The following PSD3 variants were observed in gnomAD, a reference collection of about 807,000 sequenced individuals.
PSD3 encodes the protein PH and SEC7 domain-containing protein 3.
PSD3 carries 49 observed loss-of-function variants against 105.5 expected under a neutral mutation model. The observed-to-expected ratio is 0.46, with a 90% CI of 0.37 to 0.59. PSD3 has a LOEUF of 0.59. Ranked by LOEUF, PSD3 falls within the 20% of genes least tolerant of loss-of-function variation. The pLI, the probability that PSD3 is intolerant of heterozygous loss-of-function variation, is 0.00. For missense variants in PSD3, 1,561 were observed against 1,263.8 expected, an observed-to-expected ratio of 1.24 and a Z score of -3.57; for synonymous variants, 557 against 457.8, an observed-to-expected ratio of 1.22 and a Z score of -2.77.
At chr8:18,908,433 T>C (rs1457932110) in intron 2 of PSD3, among the ~76,000 whole-genome samples, 4 of 152,208 alleles carry the variant, frequency 2.6e-5, no homozygotes, top group Non-Finnish European at 4.4e-5. Flanking sequence ...ATTCTCCCCA[T>C]GCTTTCCATG....
intron 9 of PSD3, among the ~76,000 whole-genome samples, chr8:18,711,847 G>A (rs572457789): frequency 1.3e-5 from 2 of 152,188 alleles, no homozygotes; most frequent in East Asian, 3.9e-4. Flanking sequence ...TCACCACATG[G>A]TACTTACTCT....
chr8:18,591,826 C>G (rs1391734106), intron 12 of PSD3, among the ~76,000 whole-genome samples: 1 of 152,098 alleles, frequency 6.6e-6, no homozygotes, highest in Non-Finnish European at 1.5e-5. Context: ...GCTTCCTGCT[C>G]TAAAATCAGA....
chr8:18,686,263 C>T (rs140802317), intron 9 of PSD3, among the ~76,000 whole-genome samples: 2 of 152,310 alleles, frequency 1.3e-5, no homozygotes, highest in African/African-American at 4.8e-5. Context: ...TCACTCTCAA[C>T]ATGACAATTC....
intron 1 of PSD3, among the ~76,000 whole-genome samples, chr8:18,979,069 G>A (rs1188339913): frequency 5.3e-5 from 8 of 151,998 alleles, no homozygotes; most frequent in South Asian, 4.2e-4. Context: ...TCTGGAGGAC[G>A]AATGGGTAAG....
At chr8:18,788,927 G>T (rs1351006229) in intron 8 of PSD3, among the ~76,000 whole-genome samples, 18 of 152,076 alleles carry the variant, frequency 1.2e-4, no homozygotes, top group Admixed American at 1.2e-3. Flanking sequence ...GTATGACTGG[G>T]GGGCAAAGGA....
At chr8:18,692,604 T>C (rs1752284899) in intron 9 of PSD3, among the ~76,000 whole-genome samples, 1 of 152,160 alleles carries the variant, frequency 6.6e-6, no homozygotes, top group African/African-American at 2.4e-5. Flanking sequence ...ATGAGAGGCT[T>C]TTTTAAAGAT....
intron 11 of PSD3, among the ~76,000 whole-genome samples, chr8:18,626,444 A>G (rs1336759788): frequency 6.6e-6 from 1 of 152,172 alleles, no homozygotes; most frequent in Non-Finnish European, 1.5e-5. Flanking sequence ...AGGTCTACCT[A>G]TAGTGACCAT....
intron 11 of PSD3, among the ~76,000 whole-genome samples, chr8:18,608,477 A>T (rs578192379): frequency 6.6e-6 from 1 of 152,230 alleles, no homozygotes; most frequent in Admixed American, 6.5e-5. Flanking sequence ...TGCAATAGAA[A>T]AATTGGCAGT....
At chr8:18,536,992 A>G (rs753343339) in intron 15 of PSD3, among the ~76,000 whole-genome samples, 2 of 152,210 alleles carry the variant, frequency 1.3e-5, no homozygotes, top group Non-Finnish European at 2.9e-5. Flanking sequence ...TTGACTATAC[A>G]TCCGTCTTAG....
chr8:18,573,516 T>C (rs1798032850), intron 13 of PSD3, among the ~76,000 whole-genome samples: 3 of 152,138 alleles, frequency 2.0e-5, no homozygotes, highest in Non-Finnish European at 4.4e-5. Flanking sequence ...TTAGTGTTTA[T>C]AGCATCATCA....
intron 9 of PSD3, among the ~76,000 whole-genome samples, chr8:18,727,100 G>T (rs972982042): frequency 5.9e-5 from 9 of 152,070 alleles, no homozygotes; most frequent in Non-Finnish European, 1.3e-4. Flanking sequence ...AACTTTGGGA[G>T]GCCGAAGTGG....
Position 18,871,945 on chromosome 8 carries a change from G to T in PSD3, c.919C>A (p.Leu307Met), listed in dbSNP as rs757053599. Residue 307 changes from leucine (L) to methionine (M), a missense_variant, in exon 3 of 16, where the codon CTG (leucine) becomes ATG (methionine). Coordinates refer to ENST00000327040, the MANE Select transcript of PSD3 (RefSeq NM_015310.4). ...TCTCTCTTGTCTCCTCCTGTCCACA[G>T]TATTTCCACTCCTTGAAATTCCACA... Reference protein sequence around the residue: ...KHVEFQGVEILWTGGDKRETQ... With the variant: ...KHVEFQGVEIMWTGGDKRETQ... 1.2e-6 allele frequency: 2 copies of T among 1,614,186 alleles called. No homozygotes were observed. The highest frequency in any genetic ancestry group is 2.2e-5 in the South Asian group (2 of 91,076).
At position 18,896,346 on chromosome 8, in the gene PSD3, G is replaced by A. The variant is rs529108429; in HGVS notation, c.131-23613C>T. 3.5e-4 allele frequency among the ~76,000 whole-genome samples: 53 copies of A among 152,308 alleles called. No homozygotes were observed. In the South Asian group the frequency reaches 8.9e-3, roughly 26 times the overall value. On this transcript the variant is annotated intron_variant, in intron 2 of 15. Coordinates refer to ENST00000327040, the MANE Select transcript of PSD3 (RefSeq NM_015310.4). ...TGGATATATACCAAGTGGTAGGATT[G>A]CTGCATAATATGAGAGCTCTATTTT...
chr8:19,058,168 G>A (rs73589538), intron 1 of PSD3, among the ~76,000 whole-genome samples: 6,619 of 152,242 alleles, frequency 0.043, 478 homozygotes, highest in African/African-American at 0.15. Context: ...GAGATTTGCT[G>A]AGTGAAAGAA....
intron 9 of PSD3, among the ~76,000 whole-genome samples, chr8:18,692,891 T>A (rs1002114387): frequency 2.0e-5 from 3 of 152,154 alleles, no homozygotes; most frequent in Admixed American, 2.0e-4. Context: ...TGGGGAACAA[T>A]TAAAATTCAA....
intron 1 of PSD3, among the ~76,000 whole-genome samples, chr8:18,955,597 T>C (rs2129470509): frequency 6.6e-6 from 1 of 152,182 alleles, no homozygotes; most frequent in East Asian, 1.9e-4. Flanking sequence ...TTTATGAAAA[T>C]CTCCTAGAGG....
intron 2 of PSD3, among the ~76,000 whole-genome samples, chr8:18,916,474 G>C (rs1370268293): frequency 1.3e-5 from 2 of 151,478 alleles, no homozygotes; most frequent in Non-Finnish European, 2.9e-5. Context: ...AGTGAAATAA[G>C]TCAGGCACAG....
chr8:18,593,684 T>C (rs186936302), intron 12 of PSD3, among the ~76,000 whole-genome samples: 14 of 152,170 alleles, frequency 9.2e-5, no homozygotes, highest in Admixed American at 5.9e-4. Context: ...CGTACGTTTA[T>C]TGCAGCACTA....
chr8:18,957,377 A>G (rs1190542940), intron 1 of PSD3, among the ~76,000 whole-genome samples: 3 of 152,040 alleles, frequency 2.0e-5, no homozygotes, highest in Non-Finnish European at 2.9e-5. Context: ...CTCAAAAAAA[A>G]AAAAAAAGAA....
Sources: allele counts gnomAD v4.1 joint callset (sites outside exome capture counted in the v4.1 genomes callset), GRCh38; gene constraint gnomAD v4.1.1; transcripts MANE v1.5; gene names NCBI Gene and HGNC (gene_info 2026-07-23, HGNC 2026-07-21).